WARS2: variants seen among roughly 807,000 people sequenced by gnomAD.
The protein encoded by WARS2 is tryptophanyl tRNA synthetase 2, mitochondrial, also known as tryptophan--tRNA ligase, mitochondrial.
Under a neutral mutation model 36.5 loss-of-function variants are expected in WARS2, and 28 were observed. The observed-to-expected ratio is 0.77, with a 90% confidence interval of 0.57 to 1.05. WARS2 has a LOEUF of 1.05. Among genes scored for constraint, WARS2 ranks in the 50% least tolerant of loss-of-function variants. WARS2 has a pLI of 0.00. For synonymous variants in WARS2, 174 were observed against 178.4 expected, an observed-to-expected ratio of 0.98 and a Z score of 0.20; for missense variants, 435 against 456.8, an observed-to-expected ratio of 0.95 and a Z score of 0.44.
At chr1:119,076,280 ACC>A in intron 2 of WARS2, 68 bp downstream of exon 2, 1 of 1,569,712 alleles carries the variant, frequency 6.4e-7, no homozygotes, top group Admixed American at 1.8e-5. Flanking sequence ...GGCTGTATGA[ACC>A]ATTCAACATT....
intron 1 of WARS2, among the ~76,000 whole-genome samples, chr1:119,096,387 G>A (rs1169690272): frequency 1.3e-5 from 2 of 152,074 alleles, no homozygotes; most frequent in African/African-American, 4.8e-5. Context: ...CTAACAAGTT[G>A]ACTTTATTCA....
rs1648441686 is a variant in WARS2, at chr1:119,042,323, A to T, written c.456T>A (p.Asp152Glu). The T allele has an allele frequency of 1.9e-6, 3 of 1,613,914 alleles. No individual in the cohort carries two copies. The highest frequency in any genetic ancestry group is 2.5e-6 in the Non-Finnish European group (3 of 1,179,920). Residue 152 changes from aspartate to glutamate, a missense_variant, in exon 4 of 6, where the codon GAT becomes GAA. By Grantham distance (45) the Asp-to-Glu change is conservative. Transcript: ENST00000235521. ...WKAKTTKQKH[D>E]GTVGLLTYPV... ...GGTATGTGAGCAGGCCCACCGTGCC[A>T]TCGTGCTTCTGCTTGGTAGTCTTTG...
chr1:119,101,052 G>C (rs190664846), intron 1 of WARS2, among the ~76,000 whole-genome samples: 1 of 152,144 alleles, frequency 6.6e-6, no homozygotes, highest in Non-Finnish European at 1.5e-5. Context: ...ACAGAGACTG[G>C]GAGGGATGAG....
chr1:119,092,743 T>C lies in WARS2; in HGVS notation c.91-16136A>G, dbSNP rs587679984. Reference sequence around the variant, plus strand: ...AATAAAAATTTTAATAGTACTGATTTATAGGAGAATTGCAAGAATTAAACA... The same window carrying C: ...AATAAAAATTTTAATAGTACTGATTCATAGGAGAATTGCAAGAATTAAACA... On this transcript the variant is annotated intron_variant, in intron 1 of 5. Transcript: ENST00000235521. Among the ~76,000 whole-genome samples, 5 of 152,342 alleles carry C rather than the reference T, an allele frequency of 3.3e-5. No homozygotes were observed. In the South Asian group the frequency reaches 1.0e-3, roughly 32 times the overall value.
chr1:119,068,277 C>G (rs1390125654), intron 2 of WARS2, among the ~76,000 whole-genome samples: 2 of 152,130 alleles, frequency 1.3e-5, no homozygotes, highest in African/African-American at 4.8e-5. Flanking sequence ...ACTCTCTGTC[C>G]AGTTTAAGGC....
intron 1 of WARS2, 144 bp from the exon 2 acceptor site, chr1:119,076,751 C>A: frequency 8.2e-7 from 1 of 1,225,648 alleles, no homozygotes; most frequent in Admixed American, 2.5e-5. Context: ...TTTGTGCCTA[C>A]ACTGTAAATC....
chr1:119,076,369 A>C lies in WARS2; in HGVS notation c.329T>G (p.Ile110Ser). The C allele has an allele frequency of 6.2e-7, 1 of 1,614,146 alleles. No homozygotes were observed. The highest frequency in any genetic ancestry group is 8.5e-7 in the Non-Finnish European group (1 of 1,180,024). ...GCTGACCTGAGATTGTTGGAAAAGG[A>C]TGCTTTTTTCCGGGTTTATGCCACA... ...LACGINPEKS[I>S]LFQQSQVSEH... is the part of the protein sequence containing the mutation. Residue 110 changes from isoleucine (I) to serine (S), a missense_variant, in exon 2 of 6, where the codon ATC becomes AGC. Transcript: ENST00000235521.
intron 3 of WARS2, among the ~76,000 whole-genome samples, chr1:119,044,400 A>T (rs1204122323): frequency 1.3e-5 from 2 of 152,244 alleles, no homozygotes; most frequent in Admixed American, 1.3e-4. Flanking sequence ...ATGGTAGAAT[A>T]CTATGGTACA....
At chr1:119,076,696 A>C in intron 1 of WARS2, 89 bp from the exon 2 acceptor site, 2 of 1,539,386 alleles carry the variant, frequency 1.3e-6, no homozygotes, top group Admixed American at 3.8e-5. Flanking sequence ...GGAGCTAGTT[A>C]TATTTTTGTA....
intron 2 of WARS2, among the ~76,000 whole-genome samples, chr1:119,051,740 T>TA (rs1649371851): frequency 6.6e-6 from 1 of 151,318 alleles, no homozygotes; most frequent in Admixed American, 6.6e-5. Flanking sequence ...TTCAGACTGA[T>TA]ATGAGTTGGT....
chr1:119,138,507 GA>G (rs1215053810), intron 1 of WARS2, among the ~76,000 whole-genome samples: 2 of 152,020 alleles, frequency 1.3e-5, no homozygotes, highest in Non-Finnish European at 2.9e-5. Context: ...GCTATAAAAG[GA>G]AACAAATAAC....
At chr1:119,102,317 T>G (rs1478021798) in intron 1 of WARS2, among the ~76,000 whole-genome samples, 1 of 152,194 alleles carries the variant, frequency 6.6e-6, no homozygotes, top group East Asian at 1.9e-4. Context: ...CTGCTTAAGC[T>G]CCCAAGAGCT....
At chr1:119,132,442 G>A (rs1349845907) in intron 1 of WARS2, among the ~76,000 whole-genome samples, 1 of 152,066 alleles carries the variant, frequency 6.6e-6, no homozygotes, top group Non-Finnish European at 1.5e-5. Flanking sequence ...CATCTCCCTT[G>A]GGACTCCAAC....
chr1:119,083,056 C>G (rs1479455498), intron 1 of WARS2, among the ~76,000 whole-genome samples: 1 of 152,048 alleles, frequency 6.6e-6, no homozygotes, highest in East Asian at 1.9e-4. Flanking sequence ...CGGTGAAACC[C>G]CGTCTCTACT....
intron 1 of WARS2, chr1:119,126,819 A>G (rs1025182830): frequency 1.3e-6 from 1 of 745,702 alleles, no homozygotes; most frequent in African/African-American, 1.7e-5. Context: ...CTCTCAGGTC[A>G]TGATTTCCAT....
intron 1 of WARS2, among the ~76,000 whole-genome samples, chr1:119,090,919 C>T (rs587619404): frequency 1.3e-4 from 20 of 152,042 alleles, no homozygotes; most frequent in South Asian, 1.2e-3. Context: ...CCTAGTTTTT[C>T]GGCATATGGT....
intron 1 of WARS2, among the ~76,000 whole-genome samples, chr1:119,106,567 T>A (rs1369639308): frequency 6.6e-6 from 1 of 152,182 alleles, no homozygotes; most frequent in East Asian, 1.9e-4. Context: ...TCATAAAATA[T>A]GTAGCGTTTT....
intron 1 of WARS2, among the ~76,000 whole-genome samples, chr1:119,089,869 C>A (rs1652916660): frequency 6.6e-6 from 1 of 151,980 alleles, no homozygotes; most frequent in South Asian, 2.1e-4. Flanking sequence ...GCAAACTAAC[C>A]CAGGAACAGA....
At chr1:119,043,652 C>T (rs1164739580) in intron 3 of WARS2, among the ~76,000 whole-genome samples, 1 of 152,128 alleles carries the variant, frequency 6.6e-6, no homozygotes, top group Non-Finnish European at 1.5e-5. Flanking sequence ...ACAATTATCA[C>T]CAGGTAAAGA....
Sources: gnomAD v4.1 joint callset for allele counts (sites outside exome capture counted in the v4.1 genomes callset) on GRCh38, gnomAD v4.1.1 for gene constraint, MANE v1.5 for transcripts, NCBI Gene and HGNC (gene_info 2026-07-23, HGNC 2026-07-21) for gene names.